The following FBN2 variants were observed in gnomAD, a reference collection of about 807,000 sequenced individuals.
FBN2 encodes fibrillin 2.
FBN2 carries 105 observed loss-of-function variants against 355.6 expected under a neutral mutation model. The ratio of observed to expected loss-of-function variants is 0.30; its 90% CI spans 0.25 to 0.35. FBN2 has a LOEUF of 0.35. Among genes scored for constraint, FBN2 ranks in the 10% least tolerant of loss-of-function variants. The pLI is 1.00. For missense variants in FBN2, 3,280 were observed against 3,758.7 expected (o/e 0.87, Z 3.33); for synonymous variants, 1,350 against 1,301.2 (o/e 1.04, Z -0.81).
chr5:128,334,659 G>C, intron 31 of FBN2, 60 bp downstream of exon 31: 1 of 1,588,386 alleles, frequency 6.3e-7, no homozygotes, highest in South Asian at 1.1e-5. Flanking sequence ...AAATGATGTT[G>C]AAAGTTGGCC....
At position 128,304,947 on chromosome 5, in the gene FBN2, C is replaced by T. The variant is rs546373462; in HGVS notation, c.5800+10G>A. On this transcript the variant is annotated intron_variant, in intron 45 of 64. Coordinates refer to ENST00000262464, the MANE Select transcript of FBN2 (RefSeq NM_001999.4). ...CCACTTCACTCCCTGGAGCCACATG[C>T]CCTTCTTACCCATGCACATGGTCTG... 22 of 1,613,978 alleles carry T rather than the reference C, an allele frequency of 1.4e-5. No homozygotes were observed. The highest frequency in any genetic ancestry group is 3.3e-4 in the Middle Eastern group (2 of 6,062).
chr5:128,398,544 G>T (rs931976594), intron 8 of FBN2, among the ~76,000 whole-genome samples: 1 of 152,060 alleles, frequency 6.6e-6, no homozygotes, highest in African/African-American at 2.4e-5. Flanking sequence ...TTACACAAGT[G>T]TATTGCACAT....
At chr5:128,528,051 A>G (rs2112798305) in intron 3 of FBN2, 84 bp from the exon 4 acceptor site, 1 of 835,420 alleles carries the variant, frequency 1.2e-6, no homozygotes, top group Admixed American at 1.9e-5. Flanking sequence ...CTATAAACTC[A>G]ATTATCCAAT....
At chr5:128,432,015 A>G (rs1220915516) in intron 7 of FBN2, among the ~76,000 whole-genome samples, 1 of 152,228 alleles carries the variant, frequency 6.6e-6, no homozygotes, top group Non-Finnish European at 1.5e-5. Context: ...CTACTGTAAT[A>G]ATAATGATGA....
chr5:128,369,090 A>C, intron 16 of FBN2, 92 bp downstream of exon 16: 1 of 1,270,936 alleles, frequency 7.9e-7, no homozygotes, highest in South Asian at 1.2e-5. Flanking sequence ...ATTAATGATG[A>C]AACACTTAAG....
At chr5:128,504,747 A>G (rs550279441) in intron 5 of FBN2, among the ~76,000 whole-genome samples, 1 of 152,184 alleles carries the variant, frequency 6.6e-6, no homozygotes, top group African/African-American at 2.4e-5. Flanking sequence ...TAGACTTTGG[A>G]ATTGGACTTT....
In FBN2 at chr5:128,305,522, C is replaced by G. The variant is rs780852016; in HGVS notation, c.5663G>C (p.Gly1888Ala). Reference sequence around the variant, plus strand: ...AGCCTCTTTCTTACCTACACAGGCCCCATTGGGTGAAAGTTTGAAACCCGC... The same window carrying G: ...AGCCTCTTTCTTACCTACACAGGCCGCATTGGGTGAAAGTTTGAAACCCGC... ...CAAGFKLSPN[G>A]ACVDRNECLE... Residue 1888 changes from glycine to alanine, a missense_variant, in exon 44 of 65, where the codon GGG becomes GCG. This residue lies in a region of FBN2 where 2,284 missense variants were observed against 2,749.5 expected (regional missense o/e 0.83). Coordinates refer to ENST00000262464, the MANE Select transcript of FBN2 (RefSeq NM_001999.4). The G allele has an allele frequency of 6.2e-7, 1 of 1,614,004 alleles. No individual in the cohort carries two copies. The highest frequency in any genetic ancestry group is 8.5e-7 in the Non-Finnish European group (1 of 1,179,950).
At chr5:128,302,928 G>T (rs1180899735) in intron 46 of FBN2, 45 bp downstream of exon 46, 2 of 1,067,598 alleles carry the variant, frequency 1.9e-6, no homozygotes, top group African/African-American at 1.6e-5. Context: ...AGCACATTGT[G>T]TGGAAATGAA....
intron 13 of FBN2, among the ~76,000 whole-genome samples, chr5:128,377,300 C>A (rs1482890696): frequency 1.3e-5 from 2 of 152,090 alleles, no homozygotes; most frequent in Non-Finnish European, 2.9e-5. Context: ...CTAGATATCA[C>A]AAGCCACAGT....
intron 48 of FBN2, among the ~76,000 whole-genome samples, chr5:128,298,102 G>A (rs1434306849): frequency 6.6e-6 from 1 of 150,600 alleles, no homozygotes; most frequent in Non-Finnish European, 1.5e-5. Flanking sequence ...ATGAAGCTTA[G>A]TTTGGCTGGA....
chr5:128,315,649 T>C lies in FBN2; in HGVS notation c.4717+2500A>G, dbSNP rs149827074. The stretch of plus-strand genomic sequence containing the variant: ...TTCTACATCACATATTTCCTTCCAG[T>C]AACCTTTTATACATACCTGCCTTTA... On this transcript the variant is annotated intron_variant, in intron 36 of 64. Coordinates refer to ENST00000262464, the MANE Select transcript of FBN2 (RefSeq NM_001999.4). Among the ~76,000 whole-genome samples the C allele has an allele frequency of 6.3e-4, 96 of 152,350 alleles. 1 individual carries two copies. In the East Asian group the frequency reaches 0.015, roughly 24 times the overall value.
chr5:128,316,494 T>C (rs1750206562), intron 36 of FBN2, among the ~76,000 whole-genome samples: 1 of 152,308 alleles, frequency 6.6e-6, no homozygotes, highest in East Asian at 1.9e-4. Context: ...AAAGTGTCAA[T>C]CCATACAAAT....
chr5:128,516,389 G>T lies in FBN2; in HGVS notation c.628+2884C>A, dbSNP rs1158784068. ...CACAAGAACTCTTTTTTTTTTTTTT[G>T]ATGCTAAGTATAAAAGGTCATTGTA... On this transcript the variant is annotated intron_variant, in intron 5 of 64. Coordinates refer to ENST00000262464, the MANE Select transcript of FBN2 (RefSeq NM_001999.4). 4.5e-3 allele frequency among the ~76,000 whole-genome samples: 466 copies of T among 103,956 alleles called. 1 individual carries two copies. Among genetic ancestry groups the T allele is most frequent in the African/African-American group, 0.014 (376 of 26,568 alleles). The allele number at this position is 103,956 out of a possible 152,430, so 68.2% of individuals were successfully genotyped here. A position where few individuals can be genotyped will look rare whatever the true frequency, so the allele number is the denominator to read the frequency against.
At chr5:128,309,478 C>G (rs1369905329) in intron 40 of FBN2, 79 bp from the exon 41 acceptor site, 37 of 1,253,300 alleles carry the variant, frequency 3.0e-5, no homozygotes, top group Non-Finnish European at 4.3e-5. Flanking sequence ...CTGTAGACAT[C>G]AAGCTTTCCT....
intron 8 of FBN2, among the ~76,000 whole-genome samples, chr5:128,407,114 A>C (rs906490650): frequency 2.6e-5 from 4 of 152,168 alleles, no homozygotes; most frequent in African/African-American, 7.2e-5. Flanking sequence ...GGAGGCCCTG[A>C]CATCTAGCCA....
At chr5:128,312,094 C>T (rs1581208145) in intron 37 of FBN2, 141 bp from the exon 38 acceptor site, 2 of 662,568 alleles carry the variant, frequency 3.0e-6, no homozygotes, top group East Asian at 5.6e-5. Context: ...CTTTCAAATA[C>T]ATTTAAAGTT....
At chr5:128,479,978 A>C (rs5001299) in intron 5 of FBN2, among the ~76,000 whole-genome samples, 1,237 of 17,308 alleles carry the variant, frequency 0.071, 4 homozygotes, top group South Asian at 0.11. Context: ...CTCTCTCTCT[A>C]TATATATATA....
At chr5:128,263,257 C>G (rs1197335965) in intron 63 of FBN2, among the ~76,000 whole-genome samples, 168 bp downstream of exon 63, 1 of 152,220 alleles carries the variant, frequency 6.6e-6, no homozygotes, top group Non-Finnish European at 1.5e-5. Flanking sequence ...ACCCTGAGCA[C>G]AGTCCGTGTG....
intron 34 of FBN2, among the ~76,000 whole-genome samples, chr5:128,326,574 G>GGATCATGT (rs1174319933): frequency 6.6e-6 from 1 of 152,088 alleles, no homozygotes; most frequent in African/African-American, 2.4e-5. Flanking sequence ...ATTCATCGGA[G>GGATCATGT]GATCATGTAT....
Sources: allele counts gnomAD v4.1 joint callset (sites outside exome capture counted in the v4.1 genomes callset), GRCh38; gene constraint gnomAD v4.1.1; regional missense constraint gnomAD v4.1.1; transcripts MANE v1.5; gene names NCBI Gene and HGNC (gene_info 2026-07-23, HGNC 2026-07-21).